The following WDR19 variants were observed in gnomAD, a reference collection of about 807,000 sequenced individuals.
WDR19 encodes WD repeat domain 19.
A neutral mutation model predicts 180.0 loss-of-function variants in WDR19; 121 were observed. The ratio of observed to expected loss-of-function variants is 0.67; its 90% CI spans 0.58 to 0.78. The LOEUF (loss-of-function observed/expected upper bound fraction) is 0.78. WDR19 is among the 30% of genes least tolerant of loss of function. WDR19 has a pLI of 0.00. For missense variants in WDR19, 1,450 were observed against 1,640.7 expected, an observed-to-expected ratio of 0.88 and a Z score of 2.01; for synonymous variants, 497 against 540.7, an observed-to-expected ratio of 0.92 and a Z score of 1.12.
At chr4:39,243,878 T>C in intron 21 of WDR19, among the ~76,000 whole-genome samples, 1 of 152,210 alleles carries the variant, frequency 6.6e-6, no homozygotes, top group Middle Eastern at 3.2e-3. Context: ...TCATCATGCC[T>C]CATAGAGCAA....
chr4:39,232,342 G>C (rs1332051876), intron 19 of WDR19, 70 bp downstream of exon 19: 31 of 1,320,396 alleles, frequency 2.3e-5, no homozygotes, highest in Admixed American at 2.3e-4. Flanking sequence ...AAAAAAAATG[G>C]GGCCGGGTGC....
intron 7 of WDR19, 79 bp downstream of exon 7, chr4:39,203,801 T>G (rs1328322011): frequency 7.8e-7 from 1 of 1,282,028 alleles, no homozygotes; most frequent in African/African-American, 1.5e-5. Context: ...CTTGGATGAC[T>G]AAAATAGTGA....
intron 20 of WDR19, among the ~76,000 whole-genome samples, chr4:39,235,184 T>C (rs901006297): frequency 1.3e-5 from 2 of 152,160 alleles, no homozygotes; most frequent in Admixed American, 1.3e-4. Context: ...TGGAGTGCTG[T>C]GGTATGATCA....
At chr4:39,198,229 TAA>T (rs1182066471) in intron 5 of WDR19, among the ~76,000 whole-genome samples, 1 of 152,180 alleles carries the variant, frequency 6.6e-6, no homozygotes, top group Non-Finnish European at 1.5e-5. Flanking sequence ...TGAATATAAG[TAA>T]AGTTAACTTC....
intron 28 of WDR19, among the ~76,000 whole-genome samples, chr4:39,265,699 G>A (rs1393339388): frequency 6.6e-6 from 1 of 150,748 alleles, no homozygotes; most frequent in Non-Finnish European, 1.5e-5. Context: ...TTGAACCGGG[G>A]AGGCGGAGAT....
chr4:39,246,091 A>C lies in WDR19; in HGVS notation c.2729+639A>C, dbSNP rs548108560. ...TTATGAAATTGTATTTGATGTAAAC[A>C]TGAAAAGGTTCTACCTCACTAATAG... is the stretch of plus-strand genomic sequence containing the variant. On this transcript the variant is annotated intron_variant, in intron 24 of 36. Transcript: ENST00000399820. Among the ~76,000 whole-genome samples the C allele has an allele frequency of 2.0e-5, 3 of 152,378 alleles. No individual in the cohort carries two copies. In the East Asian group the frequency reaches 5.8e-4, roughly 29 times the overall value.
chr4:39,200,638 G>C (rs1000994933), intron 6 of WDR19, among the ~76,000 whole-genome samples: 1 of 152,168 alleles, frequency 6.6e-6, no homozygotes, highest in Admixed American at 6.5e-5. Context: ...GAGAGAGTGA[G>C]AGCAGCCATT....
intron 28 of WDR19, among the ~76,000 whole-genome samples, chr4:39,265,180 A>G (rs1043852250): frequency 6.6e-6 from 1 of 151,688 alleles, no homozygotes; most frequent in Non-Finnish European, 1.5e-5. Flanking sequence ...CAGCCTCCCA[A>G]AGTGCTGGGA....
At chr4:39,273,089 C>T (rs1735539750) in intron 32 of WDR19, 28 bp downstream of exon 32, 1 of 1,487,338 alleles carries the variant, frequency 6.7e-7, no homozygotes. Context: ...GAGCTCTCAC[C>T]CATGCCCCAT....
intron 9 of WDR19, among the ~76,000 whole-genome samples, chr4:39,212,965 TAAC>T (rs1434513766): frequency 1.3e-5 from 2 of 152,074 alleles, no homozygotes; most frequent in Admixed American, 1.3e-4. Context: ...CACCAAATAA[TAAC>T]AAATACATGA....
intron 21 of WDR19, among the ~76,000 whole-genome samples, chr4:39,241,918 A>T (rs990826686): frequency 6.7e-6 from 1 of 149,282 alleles, no homozygotes; most frequent in South Asian, 2.1e-4. Flanking sequence ...TCTTCTAAGC[A>T]TACTTGTAAT....
intron 36 of WDR19, among the ~76,000 whole-genome samples, chr4:39,281,236 T>TATATATATATAGAG (rs762298152): frequency 3.8e-5 from 4 of 104,034 alleles, no homozygotes; most frequent in African/African-American, 2.1e-4. Context: ...TATATATATA[T>TATATATATATAGAG]AGAGAGAGAG....
rs1429364265 is a variant in WDR19, at chr4:39,274,941, G to T, written c.3699G>T (p.Lys1233Asn). 6.2e-7 allele frequency: 1 copy of T among 1,614,034 alleles called. No individual in the cohort carries two copies. The highest frequency in any genetic ancestry group is 1.1e-5 in the South Asian group (1 of 91,078). The change falls in exon 33 of 37, where the codon AAG becomes AAT. Residue 1233 changes from lysine (K) to asparagine (N), a missense_variant. Transcript: ENST00000399820. ...AAATAGATGCCAAATACAAAAAGAA[G>T]ATCGAGGGAATGGTCAGGTAGGCAG... ...RSKIDAKYKKKIEGMVRRPDI... is the reference protein window; with the variant it reads ...RSKIDAKYKKNIEGMVRRPDI...
At chr4:39,278,314 T>C in intron 35 of WDR19, 107 bp downstream of exon 35, 1 of 1,131,242 alleles carries the variant, frequency 8.8e-7, no homozygotes, top group Non-Finnish European at 1.3e-6. Context: ...CCTAAGGATC[T>C]CTAAAGACTC....
chr4:39,193,777 G>A (rs1407620725), intron 4 of WDR19, among the ~76,000 whole-genome samples: 1 of 152,224 alleles, frequency 6.6e-6, no homozygotes, highest in African/African-American at 2.4e-5. Context: ...ATCCCCTGGA[G>A]GGCTTATGAA....
chr4:39,199,152 C>T (rs1727110500), intron 5 of WDR19, among the ~76,000 whole-genome samples: 1 of 152,052 alleles, frequency 6.6e-6, no homozygotes, highest in Non-Finnish European at 1.5e-5. Flanking sequence ...GATGACAGAG[C>T]CAGAATCTGT....
Position 39,266,093 on chromosome 4 carries a change from A to T in WDR19, c.3214A>T (p.Asn1072Tyr). ...TCAGGCCAAAGATGAACTGCTGACC[A>T]ATCAGCTGATAGACCATCTCCTGGG... is the stretch of plus-strand genomic sequence containing the variant. The part of the protein sequence containing the change: ...VGQAKDELLT[N>Y]QLIDHLLGEN... Residue 1072 changes from asparagine to tyrosine, a missense_variant, in exon 29 of 37, where the codon AAT becomes TAT. Transcript: ENST00000399820. 6.4e-7 allele frequency: 1 copy of T among 1,560,298 alleles called. No individual in the cohort carries two copies. The highest frequency in any genetic ancestry group is 8.7e-7 in the Non-Finnish European group (1 of 1,151,674).
chr4:39,267,135 A>T (rs531985210), intron 29 of WDR19, among the ~76,000 whole-genome samples: 1 of 152,142 alleles, frequency 6.6e-6, no homozygotes, highest in South Asian at 2.1e-4. Context: ...AAAATATGCG[A>T]CTCACTGTGG....
intron 9 of WDR19, among the ~76,000 whole-genome samples, chr4:39,211,986 A>T (rs930967148): frequency 1.3e-3 from 177 of 135,658 alleles, no homozygotes; most frequent in African/African-American, 4.9e-3. Context: ...AGAGAGAGAG[A>T]TAGATAGATG....
Sources: allele counts gnomAD v4.1 joint callset (sites outside exome capture counted in the v4.1 genomes callset), GRCh38; gene constraint gnomAD v4.1.1; transcripts MANE v1.5; gene names NCBI Gene and HGNC (gene_info 2026-07-23, HGNC 2026-07-21).